AGBL4: variants seen among roughly 807,000 people sequenced by gnomAD.
AGBL4 encodes the protein cytosolic carboxypeptidase 6.
AGBL4 carries 58 observed loss-of-function variants against 66.4 expected under a neutral mutation model. The observed-to-expected ratio is 0.87, with a 90% confidence interval of 0.71 to 1.09. AGBL4 has a LOEUF of 1.09. Ranked by LOEUF, AGBL4 falls within the 50% of genes least tolerant of loss-of-function variation. The pLI is 0.00. For missense variants in AGBL4, 579 were observed against 631.0 expected (o/e 0.92, Z 0.88); for synonymous variants, 234 against 222.9 (o/e 1.05, Z -0.44).
intron 8 of AGBL4, among the ~76,000 whole-genome samples, chr1:48,651,579 C>A (rs111354219): frequency 2.0e-5 from 3 of 152,348 alleles, no homozygotes; most frequent in African/African-American, 7.2e-5. Flanking sequence ...CACTCTCAGG[C>A]CTGCAACAAG....
chr1:49,796,654 CTA>C (rs1557455463), intron 2 of AGBL4, among the ~76,000 whole-genome samples: 2 of 150,864 alleles, frequency 1.3e-5, no homozygotes, highest in African/African-American at 4.9e-5. Context: ...CAGAAAAGAA[CTA>C]TGTTTCTGCT....
intron 3 of AGBL4, among the ~76,000 whole-genome samples, chr1:49,594,065 A>G (rs1203571602): frequency 6.6e-6 from 1 of 152,200 alleles, no homozygotes; most frequent in Non-Finnish European, 1.5e-5. Context: ...AGCGTTGCAG[A>G]AAATGCTTAC....
chr1:49,715,418 A>G (rs966873705), intron 2 of AGBL4, among the ~76,000 whole-genome samples: 3 of 152,198 alleles, frequency 2.0e-5, no homozygotes, highest in Non-Finnish European at 4.4e-5. Context: ...CAGTGCCACA[A>G]TAAACATAAA....
At chr1:49,675,158 A>T (rs1646554949) in intron 3 of AGBL4, among the ~76,000 whole-genome samples, 1 of 152,098 alleles carries the variant, frequency 6.6e-6, no homozygotes, top group East Asian at 1.9e-4. Flanking sequence ...CAACCAAGGG[A>T]TAAGACACTG....
chr1:48,640,609 C>A (rs1395991324), intron 8 of AGBL4, among the ~76,000 whole-genome samples: 5 of 152,170 alleles, frequency 3.3e-5, no homozygotes, highest in African/African-American at 4.8e-5. Flanking sequence ...AAGATTTCAT[C>A]TTGAGAGGGT....
At chr1:49,243,665 A>G (rs1651413282) in intron 4 of AGBL4, among the ~76,000 whole-genome samples, 1 of 151,842 alleles carries the variant, frequency 6.6e-6, no homozygotes, top group African/African-American at 2.4e-5. Flanking sequence ...ACAACAGTGC[A>G]TAGCACATGA....
At chr1:49,708,667 G>T (rs1335475946) in intron 2 of AGBL4, among the ~76,000 whole-genome samples, 1 of 152,012 alleles carries the variant, frequency 6.6e-6, no homozygotes, top group Non-Finnish European at 1.5e-5. Context: ...TTTTTGCACT[G>T]GTTTTTCCTC....
intron 3 of AGBL4, among the ~76,000 whole-genome samples, chr1:49,363,949 GC>G (rs1644192502): frequency 6.6e-6 from 1 of 152,192 alleles, no homozygotes; most frequent in Admixed American, 6.5e-5. Context: ...ACACAGGGGG[GC>G]TGTGGATATA....
chr1:48,807,689 GC>G (rs1333968189), intron 6 of AGBL4, among the ~76,000 whole-genome samples: 10 of 152,104 alleles, frequency 6.6e-5, no homozygotes, highest in Non-Finnish European at 4.4e-5. Context: ...CCAATTTATA[GC>G]TTTTGAATGT....
intron 4 of AGBL4, among the ~76,000 whole-genome samples, chr1:49,217,365 T>G (rs937019280): frequency 1.3e-5 from 2 of 152,172 alleles, no homozygotes; most frequent in African/African-American, 4.8e-5. Flanking sequence ...TCAATGCCTT[T>G]GCTGAAGCTA....
chr1:49,062,460 T>C (rs1434954120), intron 4 of AGBL4, among the ~76,000 whole-genome samples: 1 of 152,242 alleles, frequency 6.6e-6, no homozygotes, highest in Admixed American at 6.5e-5. Flanking sequence ...GAATCCCTAC[T>C]GGCTAATCCA....
chr1:48,906,497 G>T (rs1652601436), intron 5 of AGBL4, among the ~76,000 whole-genome samples: 1 of 152,114 alleles, frequency 6.6e-6, no homozygotes, highest in South Asian at 2.1e-4. Context: ...ATTCTACAGA[G>T]GAAATGGTTA....
chr1:48,924,728 T>TGCTGATGGACTC lies in AGBL4; in HGVS notation c.595-57510_595-57499dup, dbSNP rs1553125229. On this transcript the variant is annotated intron_variant, in intron 5 of 13. Coordinates refer to ENST00000371839, the MANE Select transcript of AGBL4 (RefSeq NM_032785.4). ...ATTCTGCAGCCTGAGGGGATGGAATTGCTGATGGACTCGTGTATGAGGTCA... is the reference window on the plus strand; with the variant it reads ...ATTCTGCAGCCTGAGGGGATGGAATTGCTGATGGACTCGCTGATGGACTCGTGTATGAGGTCA... Among the ~76,000 whole-genome samples the TGCTGATGGACTC allele has an allele frequency of 2.0e-5, 3 of 152,094 alleles. No homozygotes were observed. The East Asian group carries it at 5.8e-4, about 29-fold the overall frequency.
intron 4 of AGBL4, among the ~76,000 whole-genome samples, chr1:49,241,681 C>G (rs1400413422): frequency 2.6e-5 from 4 of 151,754 alleles, no homozygotes; most frequent in Non-Finnish European, 4.4e-5. Flanking sequence ...ACTCAGTAAG[C>G]ATTTATTGAT....
chr1:49,166,580 A>G (rs1473346342), intron 4 of AGBL4, among the ~76,000 whole-genome samples: 2 of 151,718 alleles, frequency 1.3e-5, no homozygotes. Flanking sequence ...CTTGAGTTGA[A>G]TAAAGTATAC....
chr1:49,952,571 A>C (rs1157579157), intron 1 of AGBL4, among the ~76,000 whole-genome samples: 1 of 151,910 alleles, frequency 6.6e-6, no homozygotes, highest in Non-Finnish European at 1.5e-5. Flanking sequence ...AAAAAGTAAG[A>C]ATAGCCAATA....
rs1038714918 is a variant in AGBL4, at chr1:49,148,575, CCTT to C, written c.377+97192_377+97194del. ...AGTGTCTTTTGAAAAATGTCTATGTCCTTCTTTAGTACCTGGGCTGGCTGTGCA... is the reference window on the plus strand; with the variant it reads ...AGTGTCTTTTGAAAAATGTCTATGTCCTTTAGTACCTGGGCTGGCTGTGCA... On this transcript the variant is annotated intron_variant, in intron 4 of 13. Coordinates refer to ENST00000371839, the MANE Select transcript of AGBL4 (RefSeq NM_032785.4). Among the ~76,000 whole-genome samples, 12 of 152,234 alleles carry C rather than the reference CCTT, an allele frequency of 7.9e-5. No individual in the cohort carries two copies. In the East Asian group the frequency reaches 2.1e-3, roughly 27 times the overall value.
At chr1:48,986,014 G>C (rs1423361580) in intron 5 of AGBL4, among the ~76,000 whole-genome samples, 2 of 152,044 alleles carry the variant, frequency 1.3e-5, no homozygotes, top group Non-Finnish European at 2.9e-5. Context: ...TGAGATTACA[G>C]TGTACATTGG....
Position 48,698,471 on chromosome 1 carries a change from G to A in AGBL4, c.635-35230C>T, listed in dbSNP as rs925852995. On this transcript the variant is annotated intron_variant, in intron 6 of 13. Coordinates refer to ENST00000371839, the MANE Select transcript of AGBL4 (RefSeq NM_032785.4). ...AAGGCCACCTGAGATGTTGGTGGCCGAGACCAGATCAGAACCAAGTGCCTT... is the reference window on the plus strand; with the variant it reads ...AAGGCCACCTGAGATGTTGGTGGCCAAGACCAGATCAGAACCAAGTGCCTT... 2.0e-5 allele frequency among the ~76,000 whole-genome samples: 3 copies of A among 152,210 alleles called. No individual in the cohort carries two copies. The East Asian group carries it at 5.8e-4, about 29-fold the overall frequency.
Sources: gnomAD v4.1 joint callset for allele counts (sites outside exome capture counted in the v4.1 genomes callset) on GRCh38, gnomAD v4.1.1 for gene constraint, MANE v1.5 for transcripts, NCBI Gene and HGNC (gene_info 2026-07-23, HGNC 2026-07-21) for gene names.